IFT140: variants seen among roughly 807,000 people sequenced by gnomAD.
The protein encoded by IFT140 is intraflagellar transport protein 140 homolog.
In IFT140, 133 loss-of-function variants were observed where a neutral mutation model predicts 164.6. The observed-to-expected ratio is 0.81, with a 90% CI of 0.70 to 0.93. The LOEUF is 0.93. Ranked by LOEUF, IFT140 falls within the 40% of genes least tolerant of loss-of-function variation. IFT140 has a pLI of 0.00. For missense variants in IFT140, 2,045 were observed against 1,972.3 expected (o/e 1.04, Z -0.70); for synonymous variants, 860 against 817.3 (o/e 1.05, Z -0.89).
In IFT140 at chr16:1,586,114, C is replaced by T; in HGVS notation, c.1155+16G>A. 6 of 1,610,172 alleles carry T rather than the reference C, an allele frequency of 3.7e-6. No individual in the cohort carries two copies. The highest frequency in any genetic ancestry group is 5.1e-6 in the Non-Finnish European group (6 of 1,179,976). ...CAGCAGAAAATGAGTGCACCGAACA[C>T]CCTTGGAGGCTGTACCTGGATTTGC... is the stretch of plus-strand genomic sequence containing the variant. On this transcript the variant is annotated intron_variant, in intron 10 of 30. Coordinates refer to ENST00000426508, the MANE Select transcript of IFT140 (RefSeq NM_014714.4).
intron 6 of IFT140, 60 bp downstream of exon 6, chr16:1,592,116 T>C: frequency 1.3e-6 from 2 of 1,577,862 alleles, no homozygotes; most frequent in Non-Finnish European, 1.7e-6. Flanking sequence ...GAGTTTAAAA[T>C]CCCTACCAGA....
At position 1,564,093 on chromosome 16, in the gene IFT140, C is replaced by T. The variant is rs1044429755; in HGVS notation, c.1971G>A (p.Glu657=). The T allele has an allele frequency of 1.2e-6, 2 of 1,604,668 alleles. No individual in the cohort carries two copies. Among genetic ancestry groups the T allele is most frequent in the East Asian group, 2.2e-5 (1 of 44,454 alleles). The part of the protein sequence containing the change: ...VPVNHFWDQS[E]PRLFVCEAVQ... Reference sequence around the variant, plus strand: ...CGGCTTCGCATACAAACAGCCGGGGCTCACTCTGGTCCCAGAAGTGGTTCA... The same window carrying T: ...CGGCTTCGCATACAAACAGCCGGGGTTCACTCTGGTCCCAGAAGTGGTTCA... The change falls in exon 17 of 31, where the codon GAG becomes GAA. Residue 657 remains glutamate (E), a synonymous_variant. Transcript: ENST00000426508. This position sits in a 1 kb window ranked among gnomAD's most constrained non-coding sequence, Gnocchi z 5.5.
chr16:1,553,522 A>G lies in IFT140; in HGVS notation c.2399+4413T>C. 2 of 994,192 alleles carry G rather than the reference A, an allele frequency of 2.0e-6. No individual in the cohort carries two copies. Among genetic ancestry groups the G allele is most frequent in the Non-Finnish European group, 2.4e-6 (2 of 834,568 alleles). 61.6% of individuals were successfully genotyped at this position (994,192 alleles called of 1,614,324 possible). On this transcript the variant is annotated intron_variant, in intron 19 of 30. Coordinates refer to ENST00000426508, the MANE Select transcript of IFT140 (RefSeq NM_014714.4). The surrounding 1 kb of genome is among the most constrained non-coding windows in gnomAD (Gnocchi z 4.4). ...GCGTGGCCGGAGCCTGGGGAGGGACATGGACAAGTCCTCTATGGACAAGAG... is the reference window on the plus strand; with the variant it reads ...GCGTGGCCGGAGCCTGGGGAGGGACGTGGACAAGTCCTCTATGGACAAGAG...
At chr16:1,544,939 C>T (rs895131821) in intron 19 of IFT140, among the ~76,000 whole-genome samples, 2 of 152,216 alleles carry the variant, frequency 1.3e-5, no homozygotes, top group Non-Finnish European at 2.9e-5. Context: ...TGAGCCACGG[C>T]ACCCGGCCCA....
At chr16:1,607,021 GGC>G in intron 3 of IFT140, 97 bp downstream of exon 3, 2 of 1,180,336 alleles carry the variant, frequency 1.7e-6, no homozygotes, top group South Asian at 1.4e-5. Flanking sequence ...CACACCCATA[GGC>G]ACACACACAC....
intron 30 of IFT140, among the ~76,000 whole-genome samples, chr16:1,511,618 G>T (rs1355777455): frequency 6.6e-6 from 1 of 151,930 alleles, no homozygotes; most frequent in Non-Finnish European, 1.5e-5. Flanking sequence ...CAGCTATGAA[G>T]ATATAATAAG....
chr16:1,539,207 G>A (rs1331769677), intron 19 of IFT140, among the ~76,000 whole-genome samples: 2 of 150,164 alleles, frequency 1.3e-5, no homozygotes, highest in South Asian at 2.1e-4. Context: ...CAAGCCACAC[G>A]GTGCCAACGC....
chr16:1,553,656 G>A lies in IFT140; in HGVS notation c.2399+4279C>T. On this transcript the variant is annotated intron_variant, in intron 19 of 30. Transcript: ENST00000426508. The surrounding 1 kb of genome is among the most constrained non-coding windows in gnomAD (Gnocchi z 4.4). ...ACTGTAACAGAGAGGGAGGGGTGCT[G>A]GGTGGGCAGAAGCGGGGCTGGGGCT... The A allele has an allele frequency of 9.4e-7, 1 of 1,069,266 alleles. No individual in the cohort carries two copies. The highest frequency in any genetic ancestry group is 1.1e-6 in the Non-Finnish European group (1 of 877,418). 66.2% of individuals were successfully genotyped at this position (1,069,266 alleles called of 1,614,324 possible). A position where few individuals can be genotyped will look rare whatever the true frequency, so the allele number is the denominator to read the frequency against.
At chr16:1,559,115 C>CG (rs1366969528) in intron 18 of IFT140, among the ~76,000 whole-genome samples, 1 of 152,180 alleles carries the variant, frequency 6.6e-6, no homozygotes, top group Non-Finnish European at 1.5e-5. Context: ...GGCCTGAGGA[C>CG]GGATGTGACT....
At chr16:1,580,934 C>A (rs1194063762) in intron 12 of IFT140, 84 bp from the exon 13 acceptor site, 1 of 880,712 alleles carries the variant, frequency 1.1e-6, no homozygotes, top group South Asian at 1.3e-5. Context: ...CACACACGAT[C>A]CCTAATTAAT....
rs1306583239 is a variant in IFT140, at chr16:1,564,536, G to A, written c.1902-374C>T. On this transcript the variant is annotated intron_variant, in intron 16 of 30. Transcript: ENST00000426508. This position sits in a 1 kb window ranked among gnomAD's most constrained non-coding sequence, Gnocchi z 5.5. The stretch of plus-strand genomic sequence containing the variant: ...CCCTGCTGGGCGGGGTCGAGGCTTT[G>A]GCTCTGTGGTCATGCCGGGTTCCTT... Among the ~76,000 whole-genome samples, 2 of 152,222 alleles carry A rather than the reference G, an allele frequency of 1.3e-5. No homozygotes were observed. The highest frequency in any genetic ancestry group is 2.4e-5 in the African/African-American group (1 of 41,468).
rs535042550 is a variant in IFT140 at position 1,571,375 on chromosome 16, T to C, written c.1652+32A>G. 89 of 1,603,978 alleles carry C rather than the reference T, an allele frequency of 5.5e-5. 1 individual carries two copies. In the South Asian group the frequency reaches 7.7e-4, roughly 14 times the overall value. ...ACTGTCTCCTGACTGACTAAAAAAA[T>C]GTTCACACTTCTATTTGGAAAAAAA... On this transcript the variant is annotated intron_variant, in intron 14 of 30. Coordinates refer to ENST00000426508, the MANE Select transcript of IFT140 (RefSeq NM_014714.4).
At chr16:1,595,288 T>TAAAC (rs548828185) in intron 4 of IFT140, among the ~76,000 whole-genome samples, 104 of 140,806 alleles carry the variant, frequency 7.4e-4, no homozygotes, top group Middle Eastern at 4.5e-3. Flanking sequence ...TCGTCTCAAA[T>TAAAC]AAACAAACAA....
rs143239048 is a variant in IFT140, at chr16:1,583,136, T to G, written c.1432+178A>C. 5.3e-3 allele frequency among the ~76,000 whole-genome samples: 801 copies of G among 152,230 alleles called. 7 individuals are homozygous for G. Among genetic ancestry groups the G allele is most frequent in the African/African-American group, 0.019 (773 of 41,540 alleles). On this transcript the variant is annotated intron_variant, in intron 12 of 30. Coordinates refer to ENST00000426508, the MANE Select transcript of IFT140 (RefSeq NM_014714.4). ...TACGCCCACACAGCAGGCCCCAGGA[T>G]GCACTGGCAGCACGGGGCCACAGCT... is the stretch of plus-strand genomic sequence containing the variant.
chr16:1,601,946 G>C lies in IFT140; in HGVS notation c.369+424C>G, dbSNP rs545890372. On this transcript the variant is annotated intron_variant, in intron 4 of 30. Transcript: ENST00000426508. ...ATGCTGTGGGTCTGTCCTGTGTACT[G>C]TGTGATGGTGGGCAGCATCCACCAC... Among the ~76,000 whole-genome samples, 170 of 152,332 alleles carry C rather than the reference G, an allele frequency of 1.1e-3. 2 individuals are homozygous for C. Among genetic ancestry groups the C allele is most frequent in the Non-Finnish European group, 2.0e-3 (137 of 68,040 alleles).
At position 1,592,264 on chromosome 16, in the gene IFT140, G is replaced by A. The variant is rs150014480; in HGVS notation, c.546C>T (p.Asp182=). The change falls in exon 6 of 31, where the codon GAC becomes GAT. Residue 182 remains aspartate (D), a synonymous_variant. Coordinates refer to ENST00000426508, the MANE Select transcript of IFT140 (RefSeq NM_014714.4). ...AACTGCTCTTCTTCCAGTTAAACATGTCCAGGGCTTTCTCATCACCGCTCA... is the reference window on the plus strand; with the variant it reads ...AACTGCTCTTCTTCCAGTTAAACATATCCAGGGCTTTCTCATCACCGCTCA... ...AAVSGDEKAL[D]MFNWKKSSSG... The A allele has an allele frequency of 9.2e-4, 1,484 of 1,614,152 alleles. 24 individuals are homozygous for A. Among genetic ancestry groups the A allele is most frequent in the Middle Eastern group, 1.6e-3 (10 of 6,062 alleles).
chr16:1,553,293 T>A lies in IFT140; in HGVS notation c.2399+4642A>T, dbSNP rs2032826525. The A allele has an allele frequency of 4.1e-6, 4 of 982,778 alleles. No homozygotes were observed. Among genetic ancestry groups the A allele is most frequent in the South Asian group, 4.7e-5 (1 of 21,198 alleles). The allele number at this position is 982,778 out of a possible 1,614,324, so 60.9% of individuals were successfully genotyped here. ...GTCTCTGTCTCTCTGTGTCTCTGCC[T>A]GTCTCTCTGTGTCTCTGTCTCTGTG... On this transcript the variant is annotated intron_variant, in intron 19 of 30. Coordinates refer to ENST00000426508, the MANE Select transcript of IFT140 (RefSeq NM_014714.4). The surrounding 1 kb of genome is among the most constrained non-coding windows in gnomAD (Gnocchi z 4.4).
chr16:1,511,075 C>T lies in IFT140; in HGVS notation c.4258G>A (p.Val1420Met), dbSNP rs748389075. 14 of 1,609,036 alleles carry T rather than the reference C, an allele frequency of 8.7e-6. No homozygotes were observed. Among genetic ancestry groups the T allele is most frequent in the African/African-American group, 2.7e-5 (2 of 74,908 alleles). The change falls in exon 31 of 31, where the codon GTG becomes ATG. Residue 1420 changes from valine (V) to methionine (M), a missense_variant. Transcript: ENST00000426508. The part of the protein sequence containing the change: ...NMSYYVSPQA[V>M]DAVHRGLGLP... ...CCCAGCCCCCGGTGCACGGCGTCCACGGCCTGCGGGCTCACGTAGTAGGAC... is the reference window on the plus strand; with the variant it reads ...CCCAGCCCCCGGTGCACGGCGTCCATGGCCTGCGGGCTCACGTAGTAGGAC...
intron 21 of IFT140, 110 bp downstream of exon 21, chr16:1,525,777 A>T (rs1567329970): frequency 1.2e-5 from 13 of 1,121,860 alleles, no homozygotes; most frequent in Non-Finnish European, 1.1e-5. Context: ...CCTGAGACAG[A>T]CGCCTCCTCT....
Sources: gnomAD v4.1 joint callset for allele counts (sites outside exome capture counted in the v4.1 genomes callset) on GRCh38, gnomAD v4.1.1 for gene constraint, Gnocchi (gnomAD v3.1) non-coding constraint, MANE v1.5 for transcripts, NCBI Gene and HGNC (gene_info 2026-07-23, HGNC 2026-07-21) for gene names.